The following FBXO38 variants were observed in gnomAD, a reference collection of about 807,000 sequenced individuals.
FBXO38 encodes the protein F-box protein 38.
A neutral mutation model predicts 131.9 loss-of-function variants in FBXO38; 53 were observed. That is an observed-to-expected ratio of 0.40 (90% CI 0.32 to 0.51). The LOEUF (loss-of-function observed/expected upper bound fraction) is 0.51. Among genes scored for constraint, FBXO38 ranks in the 20% least tolerant of loss-of-function variants. The pLI, the probability that FBXO38 is intolerant of heterozygous loss-of-function variation, is 0.53. For missense variants in FBXO38, 1,076 were observed against 1,475.6 expected (o/e 0.73, Z 4.44); for synonymous variants, 452 against 505.6 (o/e 0.89, Z 1.42).
intron 11 of FBXO38, among the ~76,000 whole-genome samples, chr5:148,416,416 TTAAATC>T (rs1051281539): frequency 1.3e-5 from 2 of 152,164 alleles, no homozygotes; most frequent in Non-Finnish European, 2.9e-5. Context: ...GGTTGGTAGA[TTAAATC>T]TAATTAGGAA....
intron 12 of FBXO38, chr5:148,423,733 G>T: frequency 4.3e-6 from 1 of 235,066 alleles, no homozygotes; most frequent in Non-Finnish European, 8.3e-6. Context: ...TTGTTTCTTT[G>T]TTAACTGTTT....
At chr5:148,406,489 G>C in intron 7 of FBXO38, 95 bp downstream of exon 7, 1 of 1,008,898 alleles carries the variant, frequency 9.9e-7, no homozygotes, top group Non-Finnish European at 1.4e-6. Flanking sequence ...TCTTTAAAAA[G>C]AAAATGCTCG....
In FBXO38 at chr5:148,399,140, G is replaced by T; in HGVS notation, c.262+8G>T. 1.2e-6 allele frequency: 2 copies of T among 1,612,682 alleles called. No individual in the cohort carries two copies. Among genetic ancestry groups the T allele is most frequent in the Non-Finnish European group, 1.7e-6 (2 of 1,179,194 alleles). On this transcript the variant is annotated splice_region_variant and intron_variant, in intron 3 of 21. Coordinates refer to ENST00000340253, the MANE Select transcript of FBXO38 (RefSeq NM_205836.3). ...GGGAATACATGCCAAGTGGTAAGTG[G>T]ATTTAGTCTGTGAAGTACAGTAGTG... is the stretch of plus-strand genomic sequence containing the variant.
intron 2 of FBXO38, among the ~76,000 whole-genome samples, chr5:148,398,793 A>G (rs1751972249): frequency 6.6e-6 from 1 of 152,044 alleles, no homozygotes; most frequent in Non-Finnish European, 1.5e-5. Flanking sequence ...AGGGAGCTCA[A>G]TACCTTATTT....
chr5:148,396,724 C>T (rs1026889370), intron 2 of FBXO38, among the ~76,000 whole-genome samples: 1 of 152,054 alleles, frequency 6.6e-6, no homozygotes, highest in South Asian at 2.1e-4. Flanking sequence ...AACTCCTGGG[C>T]TTAAGCAATC....
At chr5:148,419,932 A>G (rs1162061893) in intron 12 of FBXO38, among the ~76,000 whole-genome samples, 1 of 152,006 alleles carries the variant, frequency 6.6e-6, no homozygotes, top group Non-Finnish European at 1.5e-5. Flanking sequence ...CAACAAAACT[A>G]TGATTTTTTG....
Position 148,438,360 on chromosome 5 carries a change from A to T in FBXO38, c.2886A>T (p.Leu962Phe), listed in dbSNP as rs1227518911. 12 of 1,613,986 alleles carry T rather than the reference A, an allele frequency of 7.4e-6. No individual in the cohort carries two copies. Among genetic ancestry groups the T allele is most frequent in the Non-Finnish European group, 9.3e-6 (11 of 1,179,866 alleles). ...HATRCRVLKH[L>F]KVENAPIVNR... ...CCAGGTGCAGGGTACTAAAACATTTAAAGGTAGAAAATGCACCAATTGTAA... is the reference window on the plus strand; with the variant it reads ...CCAGGTGCAGGGTACTAAAACATTTTAAGGTAGAAAATGCACCAATTGTAA... Residue 962 changes from leucine (L) to phenylalanine (F), a missense_variant, in exon 18 of 22, where the codon TTA becomes TTT. Transcript: ENST00000340253.
At chr5:148,438,031 A>T (rs1381140105) in intron 17 of FBXO38, among the ~76,000 whole-genome samples, 1 of 152,232 alleles carries the variant, frequency 6.6e-6, no homozygotes, top group African/African-American at 2.4e-5. Context: ...AATGTATAAT[A>T]GTTACTCATT....
In FBXO38 at chr5:148,427,211, A is replaced by C. The variant is rs2113627058; in HGVS notation, c.1919-2A>C. The C allele has an allele frequency of 6.3e-7, 1 of 1,576,286 alleles. No individual in the cohort carries two copies. ...GGGCCGTTCTTCTTTTTCTATAAGC[A>C]GTAAGTGGAAAAGGCAAGACTCCAC... On this transcript the variant is annotated splice_acceptor_variant, in intron 14 of 21. Coordinates refer to ENST00000340253, the MANE Select transcript of FBXO38 (RefSeq NM_205836.3). LOFTEE classifies it high-confidence loss of function.
intron 1 of FBXO38, among the ~76,000 whole-genome samples, chr5:148,390,943 G>A (rs954812555): frequency 3.3e-5 from 5 of 152,280 alleles, no homozygotes; most frequent in African/African-American, 1.2e-4. Context: ...ATAAAGAATC[G>A]AGCATCATCT....
intron 2 of FBXO38, chr5:148,397,637 G>T (rs1462637191): frequency 4.6e-5 from 7 of 152,134 alleles, no homozygotes; most frequent in Non-Finnish European, 8.8e-5. Context: ...AGAGGGACGA[G>T]AAGTAGAAAA....
chr5:148,408,678 A>C (rs541862482), intron 7 of FBXO38, among the ~76,000 whole-genome samples: 1 of 152,336 alleles, frequency 6.6e-6, no homozygotes, highest in Non-Finnish European at 1.5e-5. Flanking sequence ...TCATTTCTTT[A>C]AGCTATATAT....
chr5:148,395,321 CAT>C (rs1758423134), intron 2 of FBXO38, among the ~76,000 whole-genome samples: 1 of 152,052 alleles, frequency 6.6e-6, no homozygotes. Context: ...CAGTGAGAAA[CAT>C]AACATGTAAG....
In FBXO38 at chr5:148,427,745, T is replaced by C. The variant is rs1753803286; in HGVS notation, c.2451T>C (p.Phe817=). The C allele has an allele frequency of 2.5e-6, 4 of 1,613,412 alleles. No homozygotes were observed. The South Asian group carries it at 3.3e-5, about 13-fold the overall frequency. Reference sequence around the variant, plus strand: ...ATGGTACGAGATCCGCCTTTTCCTTTAGGACTCTGCCACAAGGGGGGTCTT... The same window carrying C: ...ATGGTACGAGATCCGCCTTTTCCTTCAGGACTCTGCCACAAGGGGGGTCTT... ...GPDGTRSAFS[F]RTLPQGGSSG... The change falls in exon 15 of 22, where the codon TTT becomes TTC. Residue 817 remains phenylalanine, a synonymous_variant. Transcript: ENST00000340253.
At chr5:148,430,921 A>C (rs1188906691) in intron 15 of FBXO38, 1 of 152,230 alleles carries the variant, frequency 6.6e-6, no homozygotes, top group African/African-American at 2.4e-5. Context: ...AATAACATTT[A>C]AGATTAGTTG....
chr5:148,432,681 G>A (rs1218005810), intron 15 of FBXO38, among the ~76,000 whole-genome samples: 1 of 152,232 alleles, frequency 6.6e-6, no homozygotes, highest in African/African-American at 2.4e-5. Context: ...CATTCTGTAA[G>A]TGTTGAGTGC....
chr5:148,425,617 G>A lies in FBXO38; in HGVS notation c.1834G>A (p.Val612Ile), dbSNP rs201999494. The A allele has an allele frequency of 1.1e-4, 178 of 1,613,856 alleles. 1 individual carries two copies. The Middle Eastern group carries it at 1.2e-3, about 10-fold the overall frequency. The change falls in exon 14 of 22, where the codon GTC (valine) becomes ATC (isoleucine). Residue 612 changes from valine to isoleucine, a missense_variant. Physicochemically the swap from Val to Ile is conservative, Grantham distance 29. Transcript: ENST00000340253. ...AGAAGATAGTCTAGAACTCCAAGAAGTCTGGATTCCTAAGAACGGTACTCG... is the reference window on the plus strand; with the variant it reads ...AGAAGATAGTCTAGAACTCCAAGAAATCTGGATTCCTAAGAACGGTACTCG... Reference protein sequence around the residue: ...DEEDSLELQEVWIPKNGTRRY... With the variant: ...DEEDSLELQEIWIPKNGTRRY...
chr5:148,416,969 C>A, intron 11 of FBXO38, 25 bp from the exon 12 acceptor site: 1 of 1,504,834 alleles, frequency 6.6e-7, no homozygotes, highest in South Asian at 1.1e-5. Context: ...AATTAATAAA[C>A]GTATGTGTTT....
At chr5:148,405,086 T>A (rs1752370512) in intron 6 of FBXO38, among the ~76,000 whole-genome samples, 1 of 152,136 alleles carries the variant, frequency 6.6e-6, no homozygotes, top group South Asian at 2.1e-4. Context: ...CTAGGATTGT[T>A]TTATTAAATT....
Sources: allele counts gnomAD v4.1 joint callset (sites outside exome capture counted in the v4.1 genomes callset), GRCh38; gene constraint gnomAD v4.1.1; transcripts MANE v1.5; gene names NCBI Gene and HGNC (gene_info 2026-07-23, HGNC 2026-07-21).